The following CALD1 variants were observed in gnomAD, a reference collection of about 807,000 sequenced individuals.
The protein encoded by CALD1 is caldesmon.
CALD1 carries 33 observed loss-of-function variants against 99.9 expected under a neutral mutation model. The observed-to-expected ratio is 0.33, with a 90% CI of 0.25 to 0.44. The LOEUF (loss-of-function observed/expected upper bound fraction) is 0.44. CALD1 is among the 20% of genes least tolerant of loss of function. CALD1 has a pLI of 1.00. For synonymous variants in CALD1, 310 were observed against 325.0 expected (o/e 0.95, Z 0.50); for missense variants, 861 against 962.1 (o/e 0.89, Z 1.39).
At chr7:134,822,811 T>C (rs1798834339) in intron 1 of CALD1, among the ~76,000 whole-genome samples, 1 of 152,250 alleles carries the variant, frequency 6.6e-6, no homozygotes. Flanking sequence ...ATTATATTTC[T>C]ACACTCTATG....
At chr7:134,767,038 G>C (rs1196493913) in intron 1 of CALD1, among the ~76,000 whole-genome samples, 2 of 152,234 alleles carry the variant, frequency 1.3e-5, no homozygotes, top group East Asian at 1.9e-4. Context: ...TTTACAGACA[G>C]AGAGGAGGGA....
intron 2 of CALD1, among the ~76,000 whole-genome samples, chr7:134,844,745 C>T (rs1439656025): frequency 2.0e-5 from 3 of 151,992 alleles, no homozygotes; most frequent in South Asian, 2.1e-4. Context: ...GTGGATTTCT[C>T]GAGGCCCTCC....
intron 3 of CALD1, among the ~76,000 whole-genome samples, chr7:134,876,523 G>A (rs1320533437): frequency 1.3e-5 from 2 of 152,164 alleles, no homozygotes; most frequent in African/African-American, 2.4e-5. Context: ...TCAGATTACA[G>A]TGAATAAAGT....
At chr7:134,839,510 C>T (rs564090262) in intron 1 of CALD1, among the ~76,000 whole-genome samples, 8 of 152,234 alleles carry the variant, frequency 5.3e-5, no homozygotes, top group Admixed American at 2.0e-4. Context: ...GTGATTTTGC[C>T]AATTTATATT....
intron 1 of CALD1, among the ~76,000 whole-genome samples, chr7:134,756,737 CA>C (rs1394265343): frequency 2.0e-5 from 3 of 152,142 alleles, no homozygotes; most frequent in African/African-American, 7.2e-5. Flanking sequence ...ACTTGAAACT[CA>C]TAACTTGATT....
At chr7:134,867,661 C>A in intron 2 of CALD1, 32 bp from the exon 3 acceptor site, 1 of 796,378 alleles carries the variant, frequency 1.3e-6, no homozygotes, top group Non-Finnish European at 2.0e-6. Flanking sequence ...ACTGAGTTAT[C>A]AATGATATTG....
intron 1 of CALD1, among the ~76,000 whole-genome samples, chr7:134,766,428 G>A (rs1294312387): frequency 1.3e-5 from 2 of 152,030 alleles, no homozygotes; most frequent in Non-Finnish European, 2.9e-5. Flanking sequence ...TTACAGGCAT[G>A]AGCCACCGCA....
chr7:134,879,756 A>AT (rs750115901), intron 3 of CALD1, among the ~76,000 whole-genome samples: 2 of 152,232 alleles, frequency 1.3e-5, no homozygotes, highest in Non-Finnish European at 2.9e-5. Flanking sequence ...AAGGTATTTT[A>AT]TAATTTTTAC....
In CALD1 at chr7:134,950,398, G is replaced by A; in HGVS notation, c.1819G>A (p.Glu607Lys). 1 of 1,614,176 alleles carries A rather than the reference G, an allele frequency of 6.2e-7. No homozygotes were observed. The highest frequency in any genetic ancestry group is 8.5e-7 in the Non-Finnish European group (1 of 1,180,016). Residue 607 changes from glutamate (E) to lysine (K), a missense_variant, in exon 9 of 15, where the codon GAG (glutamate) becomes AAG (lysine). Around this residue, in one of 5 missense-constraint regions of CALD1, gnomAD observed 190 missense variants for 249.0 expected, o/e 0.76. Coordinates refer to ENST00000361675, the MANE Select transcript of CALD1 (RefSeq NM_033138.4). The stretch of plus-strand genomic sequence containing the variant: ...GGAAGAGAAGAGGAGGCTAAAGGAA[G>A]AGATTGAAAGGCGAAGAGCAGAAGC... Reference protein sequence around the residue: ...EEEEKRRLKEEIERRRAEAAE... With the variant: ...EEEEKRRLKEKIERRRAEAAE...
rs116432617 is a variant in CALD1 at position 134,745,771 on chromosome 7, T to C, written c.-130+1408T>C. On this transcript the variant is annotated intron_variant, in intron 1 of 13. Coordinates refer to the CALD1 transcript ENST00000417172. ...ACTTAAAATATACTTCATCTTCTTT[T>C]AATGTCCCAGAAGTTGTGCCTTTCA... 2.3e-3 allele frequency among the ~76,000 whole-genome samples: 350 copies of C among 152,362 alleles called. 2 individuals carry two copies. The highest frequency in any genetic ancestry group is 7.9e-3 in the African/African-American group (329 of 41,588).
intron 6 of CALD1, among the ~76,000 whole-genome samples, chr7:134,938,405 A>G (rs1806163226): frequency 6.6e-6 from 1 of 152,112 alleles, no homozygotes; most frequent in Admixed American, 6.5e-5. Context: ...ATTCCACTGG[A>G]TATCCCAAAT....
At chr7:134,884,749 T>C (rs1801773842) in intron 3 of CALD1, among the ~76,000 whole-genome samples, 1 of 152,148 alleles carries the variant, frequency 6.6e-6, no homozygotes, top group Admixed American at 6.5e-5. Context: ...AAATGACAAG[T>C]ACTTATTGGC....
chr7:134,862,532 A>C (rs748947754), intron 2 of CALD1, among the ~76,000 whole-genome samples: 1 of 152,192 alleles, frequency 6.6e-6, no homozygotes, highest in African/African-American at 2.4e-5. Flanking sequence ...CTGTAGAGAC[A>C]TAAAAACATC....
At chr7:134,872,162 C>T (rs1017800281) in intron 3 of CALD1, among the ~76,000 whole-genome samples, 3 of 152,016 alleles carry the variant, frequency 2.0e-5, no homozygotes, top group East Asian at 1.9e-4. Flanking sequence ...TTCGAGACCA[C>T]CCTGGCCAAC....
At chr7:134,822,687 T>C (rs1290914303) in intron 1 of CALD1, among the ~76,000 whole-genome samples, 2 of 152,220 alleles carry the variant, frequency 1.3e-5, no homozygotes, top group Non-Finnish European at 2.9e-5. Context: ...TTTAAATTTC[T>C]AAAACCTCTC....
At chr7:134,732,462 T>TA in the CALD1 span, among the ~76,000 whole-genome samples, 3 of 152,216 alleles carry the variant, frequency 2.0e-5, no homozygotes, top group African/African-American at 7.2e-5. Context: ...TGTGCCCTTA[T>TA]AAAATAGGCT....
intron 3 of CALD1, chr7:134,891,577 G>T (rs967143769): frequency 2.5e-6 from 4 of 1,584,964 alleles, no homozygotes; most frequent in African/African-American, 1.3e-5. Flanking sequence ...GCCTGGCCAG[G>T]TCTCCGTATC....
intron 4 of CALD1, among the ~76,000 whole-genome samples, chr7:134,929,646 G>GTGTGTGTGTA (rs1488854871): frequency 0.019 from 152 of 7,846 alleles, 3 homozygotes; most frequent in Admixed American, 0.095. Flanking sequence ...GTGTGTGTGT[G>GTGTGTGTGTA]TATATATATA....
chr7:134,911,874 T>G (rs775455204), intron 3 of CALD1, among the ~76,000 whole-genome samples: 1 of 152,128 alleles, frequency 6.6e-6, no homozygotes, highest in Non-Finnish European at 1.5e-5. Flanking sequence ...TGGGAGATAA[T>G]ACACAAATAA....
Sources: gnomAD v4.1 joint callset for allele counts (sites outside exome capture counted in the v4.1 genomes callset) on GRCh38, gnomAD v4.1.1 for gene constraint, gnomAD v4.1.1 regional missense constraint, MANE v1.5 for transcripts, NCBI Gene and HGNC (gene_info 2026-07-23, HGNC 2026-07-21) for gene names.